The following NRG1 variants were observed in gnomAD, a reference collection of about 807,000 sequenced individuals.
NRG1 encodes the protein pro-neuregulin-1, membrane-bound isoform.
In NRG1, 18 loss-of-function variants were observed where a neutral mutation model predicts 63.8. The ratio of observed to expected loss-of-function variants is 0.28; its 90% confidence interval spans 0.19 to 0.42. The LOEUF is 0.42. Ranked by LOEUF, NRG1 falls within the 10% of genes least tolerant of loss-of-function variation. The pLI is 1.00. For missense variants in NRG1, 762 were observed against 814.7 expected (o/e 0.94, Z 0.79); for synonymous variants, 302 against 301.3 (o/e 1.00, Z -0.02).
intron 1 of NRG1, among the ~76,000 whole-genome samples, chr8:32,556,958 A>G (rs950790068): frequency 1.3e-5 from 2 of 152,218 alleles, no homozygotes; most frequent in Non-Finnish European, 2.9e-5. Flanking sequence ...ATAGTAAGTT[A>G]ACACAATTTT....
intron 5 of NRG1, among the ~76,000 whole-genome samples, chr8:32,686,828 G>A (rs1284725867): frequency 3.3e-5 from 5 of 152,204 alleles, no homozygotes; most frequent in African/African-American, 1.2e-4. Context: ...TGTGCTCAAT[G>A]TATGGGCCAG....
At chr8:32,573,441 CT>C (rs1704680728) in intron 1 of NRG1, among the ~76,000 whole-genome samples, 1 of 152,186 alleles carries the variant, frequency 6.6e-6, no homozygotes, top group Admixed American at 6.5e-5. Context: ...GACCTCTGCT[CT>C]ATAATATTCC....
intron 5 of NRG1, among the ~76,000 whole-genome samples, chr8:32,620,286 G>A (rs982699419): frequency 2.6e-5 from 4 of 152,086 alleles, no homozygotes; most frequent in African/African-American, 9.7e-5. Context: ...GCCTGTACCG[G>A]CTACATTCTT....
chr8:32,167,597 G>A (rs1249993935), intron 1 of NRG1, among the ~76,000 whole-genome samples: 2 of 152,188 alleles, frequency 1.3e-5, no homozygotes, highest in African/African-American at 4.8e-5. Flanking sequence ...ACAGGGATAT[G>A]TGGCTGGTGC....
At chr8:32,361,183 A>G (rs1410944679) in intron 1 of NRG1, among the ~76,000 whole-genome samples, 2 of 152,168 alleles carry the variant, frequency 1.3e-5, no homozygotes, top group South Asian at 2.1e-4. Context: ...CAAGGAGCCA[A>G]TGATGCACAG....
chr8:31,839,108 A>C (rs1174976137), intron 1 of NRG1, among the ~76,000 whole-genome samples: 1 of 152,214 alleles, frequency 6.6e-6, no homozygotes. Flanking sequence ...CTATGATAAT[A>C]ATTTGAGGTC....
chr8:31,639,921 G>A, intron 1 of NRG1: 1 of 1,111,318 alleles, frequency 9.0e-7, no homozygotes, highest in Non-Finnish European at 1.1e-6. Context: ...GGAAAAGGGA[G>A]GCAGCGCGAG....
intron 6 of NRG1, among the ~76,000 whole-genome samples, chr8:32,728,816 A>G (rs987958954): frequency 6.6e-6 from 1 of 152,216 alleles, no homozygotes; most frequent in Non-Finnish European, 1.5e-5. Flanking sequence ...CTGTAATCCC[A>G]GCACTTTGGG....
At chr8:32,422,925 C>A (rs138762763) in intron 1 of NRG1, among the ~76,000 whole-genome samples, 10 of 152,268 alleles carry the variant, frequency 6.6e-5, no homozygotes, top group African/African-American at 2.4e-4. Flanking sequence ...GAAAAAGAAG[C>A]CAAACTTTCA....
At chr8:32,284,838 T>C (rs1434002858) in intron 1 of NRG1, among the ~76,000 whole-genome samples, 2 of 152,190 alleles carry the variant, frequency 1.3e-5, no homozygotes, top group African/African-American at 4.8e-5. Flanking sequence ...CATGAGCCAC[T>C]GCACCCAGCC....
intron 1 of NRG1, among the ~76,000 whole-genome samples, chr8:32,552,437 G>C (rs989889875): frequency 3.9e-5 from 6 of 151,970 alleles, no homozygotes; most frequent in African/African-American, 4.8e-5. Context: ...TGTGAGTCTG[G>C]GTGATGGAAA....
chr8:32,757,473 A>G (rs1025337321), intron 9 of NRG1, among the ~76,000 whole-genome samples: 1 of 152,322 alleles, frequency 6.6e-6, no homozygotes, highest in South Asian at 2.1e-4. Context: ...AGACCCAACT[A>G]CAGAGTTGGT....
chr8:31,811,390 C>T (rs1822870704), intron 1 of NRG1, among the ~76,000 whole-genome samples: 1 of 152,178 alleles, frequency 6.6e-6, no homozygotes, highest in African/African-American at 2.4e-5. Context: ...TACTTTCAAC[C>T]TTCAAGGACT....
At chr8:32,265,021 AT>A (rs1260157503) in intron 1 of NRG1, among the ~76,000 whole-genome samples, 3 of 152,044 alleles carry the variant, frequency 2.0e-5, no homozygotes, top group South Asian at 2.1e-4. Flanking sequence ...TGACGATGAC[AT>A]TTTTTTTCCC....
At chr8:32,078,203 C>T (rs1449350586) in intron 1 of NRG1, among the ~76,000 whole-genome samples, 1 of 152,156 alleles carries the variant, frequency 6.6e-6, no homozygotes, top group African/African-American at 2.4e-5. Context: ...TAGGTTCCCT[C>T]CCAGTGGTAA....
chr8:32,374,064 A>G (rs1195599265), intron 1 of NRG1, among the ~76,000 whole-genome samples: 1 of 152,206 alleles, frequency 6.6e-6, no homozygotes, highest in Admixed American at 6.5e-5. Context: ...GAAGTAAAAC[A>G]AACAAGTAAA....
At chr8:32,226,239 C>T (rs1008545021) in intron 1 of NRG1, among the ~76,000 whole-genome samples, 1 of 152,128 alleles carries the variant, frequency 6.6e-6, no homozygotes, top group South Asian at 2.1e-4. Context: ...ATTTCCGGCT[C>T]TTGATATGAA....
chr8:32,634,253 CATTTT>C (rs1850907342), intron 5 of NRG1, among the ~76,000 whole-genome samples: 1 of 152,038 alleles, frequency 6.6e-6, no homozygotes, highest in South Asian at 2.1e-4. Context: ...CTTCCCTTTT[CATTTT>C]ATTTTAATTT....
intron 1 of NRG1, among the ~76,000 whole-genome samples, chr8:32,497,170 G>A (rs1033752312): frequency 2.0e-5 from 3 of 152,118 alleles, no homozygotes; most frequent in Admixed American, 6.5e-5. Flanking sequence ...ATTTCGCCCA[G>A]GCACGGTGGC....
Sources: allele counts gnomAD v4.1 joint callset (sites outside exome capture counted in the v4.1 genomes callset), GRCh38; gene constraint gnomAD v4.1.1; transcripts MANE v1.5; gene names NCBI Gene and HGNC (gene_info 2026-07-23, HGNC 2026-07-21).